The following OIT3 variants were observed in gnomAD, a reference collection of about 807,000 sequenced individuals.
The protein encoded by OIT3 is oncoprotein-induced transcript 3 protein.
OIT3 carries 41 observed loss-of-function variants against 52.2 expected under a neutral mutation model. That is an observed-to-expected ratio of 0.79 (90% CI 0.61 to 1.02). The LOEUF (loss-of-function observed/expected upper bound fraction) is 1.02. OIT3 is among the 50% of genes least tolerant of loss of function. The probability of loss-of-function intolerance (pLI) is 0.00; values close to 1 mark genes in which losing one functional copy is unlikely to be tolerated. For synonymous variants in OIT3, 244 were observed against 276.9 expected, an observed-to-expected ratio of 0.88 and a Z score of 1.18; for missense variants, 634 against 715.5, an observed-to-expected ratio of 0.89 and a Z score of 1.30.
chr10:72,921,699 G>A (rs1846123234), intron 6 of OIT3, among the ~76,000 whole-genome samples: 1 of 143,408 alleles, frequency 7.0e-6, no homozygotes, highest in Non-Finnish European at 1.5e-5. Context: ...TTTTAAGACA[G>A]TCTTGCTCTG....
In OIT3 at chr10:72,913,410, C is replaced by T; in HGVS notation, c.893C>T (p.Ser298Phe). Reference sequence around the variant, plus strand: ...ACCAACACCTCCTGCCGAGGAGTGTCCAACGGCACCCATGTCAACATCCTC... The same window carrying T: ...ACCAACACCTCCTGCCGAGGAGTGTTCAACGGCACCCATGTCAACATCCTC... Reference protein sequence around the residue: ...FLTNTSCRGVSNGTHVNILFS... With the variant: ...FLTNTSCRGVFNGTHVNILFS... The change falls in exon 6 of 9, where the codon TCC becomes TTC. Residue 298 changes from serine to phenylalanine, a missense_variant. Physicochemically the swap from Ser to Phe is radical, Grantham distance 155 (BLOSUM62 -2). Coordinates refer to ENST00000334011, the MANE Select transcript of OIT3 (RefSeq NM_152635.3). The T allele has an allele frequency of 3.7e-6, 6 of 1,613,398 alleles. No individual in the cohort carries two copies. The highest frequency in any genetic ancestry group is 4.2e-6 in the Non-Finnish European group (5 of 1,179,448).
At position 72,930,527 on chromosome 10, in the gene OIT3, C is replaced by T. The variant is rs1476767538; in HGVS notation, c.1368-11C>T. On this transcript the variant is annotated splice_polypyrimidine_tract_variant and intron_variant, in intron 7 of 8. Coordinates refer to ENST00000334011, the MANE Select transcript of OIT3 (RefSeq NM_152635.3). ...CAATCAAGTCTTATGTGCTATCTGCCCTACTTTCAGCTGTGTTTCAGATGA... is the reference window on the plus strand; with the variant it reads ...CAATCAAGTCTTATGTGCTATCTGCTCTACTTTCAGCTGTGTTTCAGATGA... 6.3e-7 allele frequency: 1 copy of T among 1,588,730 alleles called. No individual in the cohort carries two copies. The highest frequency in any genetic ancestry group is 1.1e-5 in the South Asian group (1 of 90,398).
In OIT3 at chr10:72,899,006, A is replaced by C. The variant is rs1025715724; in HGVS notation, c.404A>C (p.Lys135Thr). Reference protein sequence around the residue: ...PGGYYVYRLTKPSVCFHVYCG... With the variant: ...PGGYYVYRLTTPSVCFHVYCG... ...GGCTACTATGTGTATCGTCTGACCA[A>C]GCCCAGCGTCTGCTTCCACGTCTAC... Residue 135 changes from lysine (K) to threonine (T), a missense_variant, in exon 2 of 9, where the codon AAG becomes ACG. Transcript: ENST00000334011. 6.2e-7 allele frequency: 1 copy of C among 1,612,168 alleles called. No individual in the cohort carries two copies.
intron 7 of OIT3, among the ~76,000 whole-genome samples, chr10:72,929,323 G>A (rs534614209): frequency 4.7e-5 from 7 of 150,384 alleles, no homozygotes; most frequent in Admixed American, 1.3e-4. Flanking sequence ...CAGAAGACAG[G>A]AACTATTAGG....
At chr10:72,929,599 G>T (rs890873026) in intron 7 of OIT3, among the ~76,000 whole-genome samples, 3 of 150,742 alleles carry the variant, frequency 2.0e-5, no homozygotes, top group African/African-American at 7.3e-5. Flanking sequence ...TAGAGACAAG[G>T]TCTTGCTATG....
chr10:72,894,661 TGAG>T (rs1336155760), intron 1 of OIT3, among the ~76,000 whole-genome samples: 1 of 152,150 alleles, frequency 6.6e-6, no homozygotes, highest in Admixed American at 6.5e-5. Flanking sequence ...GTGGATCACC[TGAG>T]GTCAGGAGTT....
At chr10:72,928,992 A>T (rs1343252709) in intron 7 of OIT3, among the ~76,000 whole-genome samples, 2 of 152,086 alleles carry the variant, frequency 1.3e-5, no homozygotes, top group Non-Finnish European at 2.9e-5. Context: ...GGATCGCTTG[A>T]GTGGTCTTGA....
intron 6 of OIT3, 102 bp from the exon 7 acceptor site, chr10:72,924,127 G>A: frequency 9.9e-7 from 1 of 1,011,382 alleles, no homozygotes; most frequent in Non-Finnish European, 1.5e-6. Flanking sequence ...AATCTCTAAT[G>A]TGTTTTGAGG....
At chr10:72,913,094 A>C (rs1296635963) in intron 5 of OIT3, among the ~76,000 whole-genome samples, 1 of 152,214 alleles carries the variant, frequency 6.6e-6, no homozygotes, top group Admixed American at 6.5e-5. Context: ...GGTATTTCCT[A>C]ATTCAGGGAA....
chr10:72,925,856 C>T (rs529181239), intron 7 of OIT3, among the ~76,000 whole-genome samples: 6 of 152,346 alleles, frequency 3.9e-5, no homozygotes, highest in African/African-American at 7.2e-5. Flanking sequence ...ATCCTCCTGC[C>T]TTGGCCTCCC....
chr10:72,916,637 C>T (rs1165916634), intron 6 of OIT3, among the ~76,000 whole-genome samples: 5 of 152,048 alleles, frequency 3.3e-5, no homozygotes, highest in South Asian at 2.1e-4. Context: ...TAAACATACA[C>T]GTGCATTACA....
At chr10:72,919,669 AT>A (rs1222411781) in intron 6 of OIT3, among the ~76,000 whole-genome samples, 1 of 152,112 alleles carries the variant, frequency 6.6e-6, no homozygotes, top group Admixed American at 6.6e-5. Flanking sequence ...GGATGCCAAA[AT>A]TTATTGAAAT....
intron 6 of OIT3, among the ~76,000 whole-genome samples, chr10:72,921,334 C>T (rs1846119503): frequency 6.6e-6 from 1 of 152,212 alleles, no homozygotes; most frequent in African/African-American, 2.4e-5. Context: ...AGATGGATCT[C>T]TTGAAGACAG....
chr10:72,930,698 GTGTCCCAGTGTGT>G, intron 8 of OIT3, 61 bp downstream of exon 8: 1 of 927,878 alleles, frequency 1.1e-6, no homozygotes, highest in Non-Finnish European at 1.7e-6. Flanking sequence ...TTTTTTTTTG[GTGTCCCAGTGTGT>G]TGACATTCCA....
intron 1 of OIT3, among the ~76,000 whole-genome samples, chr10:72,897,226 GT>G (rs1845882609): frequency 6.6e-6 from 1 of 152,230 alleles, no homozygotes; most frequent in African/African-American, 2.4e-5. Context: ...GTTTCACCAT[GT>G]TGACCAGGCT....
chr10:72,916,678 C>T (rs1846075870), intron 6 of OIT3, among the ~76,000 whole-genome samples: 2 of 152,086 alleles, frequency 1.3e-5, no homozygotes, highest in African/African-American at 4.8e-5. Flanking sequence ...ATTTATAATC[C>T]TTTGGGTATA....
chr10:72,899,019 C>T lies in OIT3; in HGVS notation c.417C>T (p.Cys139=), dbSNP rs1845902976. 9.3e-6 allele frequency: 15 copies of T among 1,610,280 alleles called. No homozygotes were observed. Among genetic ancestry groups the T allele is most frequent in the Non-Finnish European group, 1.1e-5 (13 of 1,177,268 alleles). The change falls in exon 2 of 9, where the codon TGC becomes TGT. Residue 139 remains cysteine (C), a synonymous_variant. Coordinates refer to ENST00000334011, the MANE Select transcript of OIT3 (RefSeq NM_152635.3). ...YVYRLTKPSV[C]FHVYCGHFYD... is the part of the protein sequence containing the mutation. ...ATCGTCTGACCAAGCCCAGCGTCTG[C>T]TTCCACGTCTACTGTGGTCGTGAGT...
At chr10:72,912,291 G>A (rs1327901867) in intron 5 of OIT3, among the ~76,000 whole-genome samples, 1 of 100,376 alleles carries the variant, frequency 1.0e-5, no homozygotes, top group African/African-American at 7.1e-5. Flanking sequence ...TTTTTTTTTG[G>A]CAGAGTCTCA....
At chr10:72,904,166 G>A (rs1359624089) in intron 3 of OIT3, among the ~76,000 whole-genome samples, 7 of 152,022 alleles carry the variant, frequency 4.6e-5, no homozygotes, top group South Asian at 2.1e-4. Context: ...AGTCACGTAC[G>A]CCCCTGCTTG....
Sources: gnomAD v4.1 joint callset for allele counts (sites outside exome capture counted in the v4.1 genomes callset) on GRCh38, gnomAD v4.1.1 for gene constraint, MANE v1.5 for transcripts, NCBI Gene and HGNC (gene_info 2026-07-23, HGNC 2026-07-21) for gene names.